Variants in DCC observed in about 807,000 individuals in gnomAD.
DCC encodes netrin receptor DCC.
A neutral mutation model predicts 172.5 loss-of-function variants in DCC; 58 were observed. The ratio of observed to expected loss-of-function variants is 0.34; its 90% CI spans 0.27 to 0.42. The LOEUF is 0.42. Among genes scored for constraint, DCC ranks in the 10% least tolerant of loss-of-function variants. DCC has a pLI of 1.00. For missense variants in DCC, 1,740 were observed against 1,791.0 expected (o/e 0.97, Z 0.51); for synonymous variants, 709 against 644.5 (o/e 1.10, Z -1.52).
chr18:52,397,090 A>G (rs1270791921), intron 1 of DCC, among the ~76,000 whole-genome samples: 3 of 152,034 alleles, frequency 2.0e-5, no homozygotes, highest in African/African-American at 7.2e-5. Context: ...GGATGATCAC[A>G]AGGGATTATG....
At chr18:53,387,722 T>C (rs1449684338) in intron 16 of DCC, among the ~76,000 whole-genome samples, 1 of 152,196 alleles carries the variant, frequency 6.6e-6, no homozygotes, top group Non-Finnish European at 1.5e-5. Context: ...TAATTTTCCT[T>C]TAGTGACCAT....
chr18:53,189,755 A>C (rs1176064573), intron 9 of DCC, among the ~76,000 whole-genome samples: 1 of 152,198 alleles, frequency 6.6e-6, no homozygotes. Context: ...AGGTGGCCTG[A>C]AGGAAACTAA....
intron 22 of DCC, among the ~76,000 whole-genome samples, chr18:53,441,541 C>G (rs1162584268): frequency 6.6e-6 from 1 of 152,120 alleles, no homozygotes; most frequent in Non-Finnish European, 1.5e-5. Flanking sequence ...CCCTTTCACC[C>G]TTTCCCTCAT....
chr18:53,183,022 G>A (rs964370770), intron 9 of DCC, among the ~76,000 whole-genome samples: 4 of 152,078 alleles, frequency 2.6e-5, no homozygotes, highest in Non-Finnish European at 5.9e-5. Context: ...TATGCATTTG[G>A]TTGCTGCTTT....
intron 1 of DCC, among the ~76,000 whole-genome samples, chr18:52,749,936 G>A (rs76428246): frequency 0.029 from 4,480 of 152,200 alleles, 158 homozygotes; most frequent in African/African-American, 0.083. Context: ...TATTACTCTA[G>A]CGAAATATCT....
chr18:52,916,318 A>G (rs978573527), intron 3 of DCC, among the ~76,000 whole-genome samples: 1 of 152,132 alleles, frequency 6.6e-6, no homozygotes, highest in Non-Finnish European at 1.5e-5. Context: ...AAAAATGAAC[A>G]AAGTGAGCCA....
chr18:53,169,972 A>T (rs1190829350), intron 8 of DCC, among the ~76,000 whole-genome samples: 1 of 152,116 alleles, frequency 6.6e-6, no homozygotes, highest in Admixed American at 6.6e-5. Context: ...CCAAACTCAG[A>T]TGTTACTTAG....
intron 2 of DCC, among the ~76,000 whole-genome samples, chr18:52,808,121 A>G (rs919385814): frequency 1.3e-5 from 2 of 152,226 alleles, no homozygotes; most frequent in African/African-American, 4.8e-5. Flanking sequence ...GAGATTTCAC[A>G]AGCTTAGGTG....
intron 5 of DCC, among the ~76,000 whole-genome samples, chr18:53,027,911 G>A (rs1266517197): frequency 6.6e-6 from 1 of 152,058 alleles, no homozygotes; most frequent in East Asian, 1.9e-4. Flanking sequence ...ATTCATATGA[G>A]CGAGTAAGGT....
chr18:52,739,870 G>T (rs114247369), intron 1 of DCC, among the ~76,000 whole-genome samples: 363 of 152,184 alleles, frequency 2.4e-3, no homozygotes, highest in African/African-American at 7.9e-3. Context: ...GGAATCATCT[G>T]GGGCTCTTTC....
chr18:53,269,748 A>G (rs1349997580), intron 12 of DCC, among the ~76,000 whole-genome samples: 1 of 152,126 alleles, frequency 6.6e-6, no homozygotes, highest in Non-Finnish European at 1.5e-5. Flanking sequence ...ACAGTCCCAA[A>G]GTGCACAGCT....
chr18:52,901,084 T>G (rs773187877), intron 2 of DCC, among the ~76,000 whole-genome samples: 1 of 152,168 alleles, frequency 6.6e-6, no homozygotes, highest in Non-Finnish European at 1.5e-5. Context: ...TTTGTTTATG[T>G]CAGGGAAATA....
intron 2 of DCC, among the ~76,000 whole-genome samples, chr18:52,863,726 T>A (rs558670638): frequency 2.6e-5 from 4 of 151,918 alleles, no homozygotes; most frequent in Admixed American, 6.6e-5. Flanking sequence ...TTACAGCTAT[T>A]TAATCTATTT....
chr18:53,425,269 T>C (rs1910847199), intron 21 of DCC, among the ~76,000 whole-genome samples: 1 of 151,586 alleles, frequency 6.6e-6, no homozygotes, highest in Admixed American at 6.6e-5. Context: ...TCTCAAGTCA[T>C]ACATACCTAA....
intron 1 of DCC, among the ~76,000 whole-genome samples, chr18:52,685,969 G>A (rs563642798): frequency 6.6e-6 from 1 of 152,122 alleles, no homozygotes; most frequent in African/African-American, 2.4e-5. Context: ...CTAACTGGAT[G>A]TTCCTGTATC....
chr18:52,429,227 T>C (rs1210438844), intron 1 of DCC, among the ~76,000 whole-genome samples: 1 of 152,080 alleles, frequency 6.6e-6, no homozygotes, highest in African/African-American at 2.4e-5. Context: ...TCAACCTATA[T>C]ATTAGGTGTT....
intron 1 of DCC, among the ~76,000 whole-genome samples, chr18:52,354,141 C>T (rs190915422): frequency 6.6e-6 from 1 of 152,074 alleles, no homozygotes; most frequent in African/African-American, 2.4e-5. Flanking sequence ...ATAGAGTGAC[C>T]GATCATTCTT....
In DCC at chr18:52,418,877, T is replaced by C. The variant is rs376457402; in HGVS notation, c.91+77999T>C. Among the ~76,000 whole-genome samples, 362 of 126,526 alleles carry C rather than the reference T, an allele frequency of 2.9e-3. 2 individuals carry two copies. Among genetic ancestry groups the C allele is most frequent in the African/African-American group, 0.011 (345 of 32,836 alleles). The allele number at this position is 126,526 out of a possible 152,430, so 83.0% of individuals were successfully genotyped here. A position where few individuals can be genotyped will look rare whatever the true frequency, so the allele number is the denominator to read the frequency against. On this transcript the variant is annotated intron_variant, in intron 1 of 28. Coordinates refer to ENST00000442544, the MANE Select transcript of DCC (RefSeq NM_005215.4). ...TTCTTTCTTTTTTTTTTTTTTTTTT[T>C]TGAGATGGAGTCTCACCCTGTTACC...
rs999096113 is a variant in DCC, at chr18:53,280,791, G to A, written c.1912-24787G>A. The stretch of plus-strand genomic sequence containing the variant: ...GTTTCTGTTTCCTCACTTAAAACCC[G>A]AAAAGGTTGGACTAGATGAGGAATA... On this transcript the variant is annotated intron_variant, in intron 12 of 28. Coordinates refer to ENST00000442544, the MANE Select transcript of DCC (RefSeq NM_005215.4). Among the ~76,000 whole-genome samples the A allele has an allele frequency of 6.6e-5, 10 of 152,048 alleles. No individual in the cohort carries two copies. The South Asian group carries it at 1.0e-3, about 16-fold the overall frequency.
Sources: gnomAD v4.1 joint callset for allele counts (sites outside exome capture counted in the v4.1 genomes callset) on GRCh38, gnomAD v4.1.1 for gene constraint, MANE v1.5 for transcripts, NCBI Gene and HGNC (gene_info 2026-07-23, HGNC 2026-07-21) for gene names.